The following PGCKA1 variants were observed in gnomAD, a reference collection of about 807,000 sequenced individuals.
PGCKA1 encodes PDCD10 and GCKIII kinases associated 1.
At chr4:37,580,805 G>A in the PGCKA1 span, among the ~76,000 whole-genome samples, 17,515 of 152,194 alleles carry the variant, frequency 0.12, 2,725 homozygotes, top group African/African-American at 0.34. Context: ...CAATCAACAG[G>A]TGCAAAGCCA....
the PGCKA1 span, among the ~76,000 whole-genome samples, chr4:37,536,789 A>T: frequency 2.6e-5 from 4 of 152,226 alleles, no homozygotes; most frequent in Non-Finnish European, 5.9e-5. Flanking sequence ...GTTCCAATAG[A>T]CATGTATTTG....
the PGCKA1 span, among the ~76,000 whole-genome samples, chr4:37,461,385 T>A: frequency 6.6e-6 from 1 of 152,114 alleles, no homozygotes; most frequent in Admixed American, 6.5e-5. Context: ...GGGAATAGCA[T>A]TGAATCTATA....
chr4:37,465,386 G>A, the PGCKA1 span, among the ~76,000 whole-genome samples: 1 of 151,968 alleles, frequency 6.6e-6, no homozygotes, highest in Non-Finnish European at 1.5e-5. Context: ...AGGTATTGAT[G>A]CAATAACCAT....
At chr4:37,502,706 G>A in the PGCKA1 span, among the ~76,000 whole-genome samples, 1 of 152,178 alleles carries the variant, frequency 6.6e-6, no homozygotes, top group Non-Finnish European at 1.5e-5. Flanking sequence ...ATGTAAGGGG[G>A]CTACGGGCCA....
the PGCKA1 span, among the ~76,000 whole-genome samples, chr4:37,463,751 T>C: frequency 6.6e-6 from 1 of 152,002 alleles, no homozygotes; most frequent in African/African-American, 2.4e-5. Context: ...CCCTCTGCCT[T>C]TGAATCTGCC....
At chr4:37,537,121 A>G in the PGCKA1 span, among the ~76,000 whole-genome samples, 12,315 of 152,312 alleles carry the variant, frequency 0.081, 545 homozygotes, top group South Asian at 0.12. Context: ...AACCCATAAG[A>G]TTGTTCTTAA....
chr4:37,542,866 T>C, the PGCKA1 span, among the ~76,000 whole-genome samples: 1 of 152,196 alleles, frequency 6.6e-6, no homozygotes, highest in Non-Finnish European at 1.5e-5. Flanking sequence ...CCCCACTAAA[T>C]TATAAGCTTG....
At chr4:37,504,703 T>C in the PGCKA1 span, among the ~76,000 whole-genome samples, 2 of 152,300 alleles carry the variant, frequency 1.3e-5, no homozygotes, top group Admixed American at 6.5e-5. Flanking sequence ...AGGATTACTT[T>C]CTTAATTTCT....
chr4:37,546,600 C>A, the PGCKA1 span, among the ~76,000 whole-genome samples: 4,060 of 152,310 alleles, frequency 0.027, 198 homozygotes, highest in African/African-American at 0.092. Context: ...CTGATGCTCC[C>A]AGCTGAATAA....
At chr4:37,507,590 T>G in the PGCKA1 span, among the ~76,000 whole-genome samples, 1 of 152,204 alleles carries the variant, frequency 6.6e-6, no homozygotes, top group Non-Finnish European at 1.5e-5. Context: ...CCCCACTTTT[T>G]AACTTTTCAT....
At chr4:37,545,271 C>T in the PGCKA1 span, among the ~76,000 whole-genome samples, 4 of 152,300 alleles carry the variant, frequency 2.6e-5, no homozygotes, top group African/African-American at 7.2e-5. Flanking sequence ...CCAACATTTC[C>T]TGTGCATGTG....
At chr4:37,535,100 C>T in the PGCKA1 span, among the ~76,000 whole-genome samples, 29 of 152,208 alleles carry the variant, frequency 1.9e-4, no homozygotes, top group South Asian at 4.2e-4. Flanking sequence ...GGGTACTTTC[C>T]GGAAGAGGCC....
the PGCKA1 span, among the ~76,000 whole-genome samples, chr4:37,462,830 T>TA: frequency 1.8e-4 from 28 of 151,716 alleles, no homozygotes; most frequent in Non-Finnish European, 3.7e-4. Context: ...CCATCTCTAC[T>TA]AAAAAAATAC....
the PGCKA1 span, among the ~76,000 whole-genome samples, chr4:37,549,176 A>T: frequency 2.6e-5 from 4 of 152,238 alleles, no homozygotes; most frequent in African/African-American, 9.6e-5. Flanking sequence ...CGATGAGCTT[A>T]AGAATTTTCA....
chr4:37,494,747 G>GTATAAGCCT, the PGCKA1 span, among the ~76,000 whole-genome samples: 2 of 152,258 alleles, frequency 1.3e-5, no homozygotes, highest in African/African-American at 4.8e-5. Context: ...TATCAACAGT[G>GTATAAGCCT]TATAAGCCTT....
At chr4:37,553,272 A>T in the PGCKA1 span, among the ~76,000 whole-genome samples, 1 of 150,786 alleles carries the variant, frequency 6.6e-6, no homozygotes, top group African/African-American at 2.4e-5. Flanking sequence ...TATCACTTCA[A>T]AAAGTCATTC....
At chr4:37,590,345 G>A in the PGCKA1 span, 1 of 1,613,734 alleles carries the variant, frequency 6.2e-7, no homozygotes, top group South Asian at 1.1e-5. Flanking sequence ...CATGCCTGCG[G>A]TGTCAACGGC....
the PGCKA1 span, among the ~76,000 whole-genome samples, chr4:37,507,298 G>C: frequency 1.6e-3 from 244 of 152,154 alleles, 1 homozygote; most frequent in South Asian, 5.0e-3. Context: ...TATTGATAAG[G>C]ACTTAGTTGT....
the PGCKA1 span, among the ~76,000 whole-genome samples, chr4:37,471,910 G>A: frequency 6.6e-6 from 1 of 152,206 alleles, no homozygotes; most frequent in Admixed American, 6.5e-5. Flanking sequence ...CCTTGAGCCT[G>A]TCTTAACCTC....
Sources: allele counts gnomAD v4.1 joint callset (sites outside exome capture counted in the v4.1 genomes callset), GRCh38; gene constraint gnomAD v4.1.1; transcripts MANE v1.5; gene names NCBI Gene and HGNC (gene_info 2026-07-23, HGNC 2026-07-21).